Variants in GRID2 observed in about 807,000 individuals in gnomAD.
GRID2 encodes the protein glutamate ionotropic receptor delta type subunit 2, also known as glutamate receptor ionotropic, delta-2.
Under a neutral mutation model 114.8 loss-of-function variants are expected in GRID2, and 33 were observed. That is an observed-to-expected ratio of 0.29 (90% CI 0.22 to 0.38). The LOEUF is 0.38. Ranked by LOEUF, GRID2 falls within the 10% of genes least tolerant of loss-of-function variation. The pLI is 1.00. For missense variants in GRID2, 1,184 were observed against 1,257.7 expected (o/e 0.94, Z 0.89); for synonymous variants, 505 against 449.9 (o/e 1.12, Z -1.55).
At chr4:92,834,231 C>T (rs1375588177) in intron 2 of GRID2, among the ~76,000 whole-genome samples, 1 of 152,088 alleles carries the variant, frequency 6.6e-6, no homozygotes, top group Non-Finnish European at 1.5e-5. Context: ...TTTCCTTCAA[C>T]AATATGGGAG....
At chr4:92,693,764 A>C (rs1304906284) in intron 2 of GRID2, among the ~76,000 whole-genome samples, 1 of 152,256 alleles carries the variant, frequency 6.6e-6, no homozygotes, top group Non-Finnish European at 1.5e-5. Flanking sequence ...AATCAATTTC[A>C]TGGAACTTAA....
intron 2 of GRID2, among the ~76,000 whole-genome samples, chr4:93,022,089 A>T (rs1033404818): frequency 6.6e-6 from 1 of 151,684 alleles, no homozygotes; most frequent in African/African-American, 2.4e-5. Flanking sequence ...TTATTCTTGA[A>T]TCTAAGATAT....
intron 2 of GRID2, among the ~76,000 whole-genome samples, chr4:93,002,552 T>G (rs565212802): frequency 6.6e-6 from 1 of 151,728 alleles, no homozygotes; most frequent in African/African-American, 2.4e-5. Flanking sequence ...ATTTATCCCA[T>G]CTGCAAAGAG....
chr4:93,454,835 C>G (rs960464133), intron 10 of GRID2, among the ~76,000 whole-genome samples: 1 of 152,070 alleles, frequency 6.6e-6, no homozygotes, highest in Non-Finnish European at 1.5e-5. Context: ...GCTTTAATCA[C>G]AGCTGAAGAT....
Position 93,471,919 on chromosome 4 carries a change from C to T in GRID2, c.1858+15945C>T, listed in dbSNP as rs1266182210. Among the ~76,000 whole-genome samples the T allele has an allele frequency of 1.3e-4, 19 of 147,486 alleles. 1 individual carries two copies. The highest frequency in any genetic ancestry group is 2.4e-4 in the Non-Finnish European group (16 of 66,890). ...TTCCCCATGTTGGTCAGGCTGGTCT[C>T]GAACTCCCGACCTCAGGTGGTCCGC... On this transcript the variant is annotated intron_variant, in intron 11 of 15. Coordinates refer to ENST00000282020, the MANE Select transcript of GRID2 (RefSeq NM_001510.4).
intron 2 of GRID2, among the ~76,000 whole-genome samples, chr4:92,615,736 G>A (rs1173029995): frequency 1.3e-5 from 2 of 151,416 alleles, no homozygotes; most frequent in Non-Finnish European, 3.0e-5. Context: ...AAATTGAAAT[G>A]TGTCATTTTA....
intron 2 of GRID2, among the ~76,000 whole-genome samples, chr4:92,969,929 T>G (rs1481779542): frequency 6.6e-6 from 1 of 151,928 alleles, no homozygotes; most frequent in Admixed American, 6.6e-5. Context: ...TAAAATAGTT[T>G]TAAAAATTTC....
chr4:92,985,723 C>G (rs1259092954), intron 2 of GRID2, among the ~76,000 whole-genome samples: 3 of 152,078 alleles, frequency 2.0e-5, no homozygotes, highest in Non-Finnish European at 4.4e-5. Context: ...TTTCAATACC[C>G]AAAGGCGAAC....
At chr4:93,346,428 C>T (rs1273738384) in intron 8 of GRID2, among the ~76,000 whole-genome samples, 1 of 152,152 alleles carries the variant, frequency 6.6e-6, no homozygotes, top group Non-Finnish European at 1.5e-5. Context: ...GCATTTCCTC[C>T]TTTCTCTCTC....
intron 1 of GRID2, among the ~76,000 whole-genome samples, chr4:92,474,982 G>T (rs1163903772): frequency 1.6e-5 from 2 of 128,480 alleles, no homozygotes; most frequent in African/African-American, 5.7e-5. Context: ...GGGGGGTGGA[G>T]GGGGGAGGGA....
chr4:93,234,952 T>A (rs1268786962), intron 7 of GRID2, among the ~76,000 whole-genome samples: 1 of 152,162 alleles, frequency 6.6e-6, no homozygotes, highest in Non-Finnish European at 1.5e-5. Flanking sequence ...ATGTCCCACG[T>A]GATCCTCCAA....
intron 8 of GRID2, among the ~76,000 whole-genome samples, chr4:93,344,303 G>T (rs541579417): frequency 6.6e-6 from 1 of 151,982 alleles, no homozygotes. Flanking sequence ...TATGGAGGTA[G>T]ACATGACTGG....
At chr4:92,501,781 G>T (rs982126556) in intron 1 of GRID2, among the ~76,000 whole-genome samples, 2 of 152,088 alleles carry the variant, frequency 1.3e-5, no homozygotes, top group Non-Finnish European at 2.9e-5. Flanking sequence ...AGTGTTTAAA[G>T]TTTCTTCTTC....
At chr4:93,262,960 T>C (rs933283048) in intron 8 of GRID2, among the ~76,000 whole-genome samples, 2 of 152,032 alleles carry the variant, frequency 1.3e-5, no homozygotes, top group African/African-American at 4.8e-5. Flanking sequence ...TTTACAAAAA[T>C]GTAACTCCTT....
chr4:93,363,400 A>T (rs920500553), intron 8 of GRID2, among the ~76,000 whole-genome samples: 3 of 152,044 alleles, frequency 2.0e-5, no homozygotes, highest in Non-Finnish European at 2.9e-5. Flanking sequence ...AGGAGTGATG[A>T]TTTTGTCCAT....
intron 14 of GRID2, among the ~76,000 whole-genome samples, chr4:93,723,408 G>T (rs1729564223): frequency 1.3e-5 from 2 of 152,180 alleles, no homozygotes; most frequent in Non-Finnish European, 2.9e-5. Context: ...AGGCAAATCA[G>T]AATGAAAGCA....
At chr4:93,631,522 A>C (rs546750966) in intron 14 of GRID2, among the ~76,000 whole-genome samples, 2 of 152,196 alleles carry the variant, frequency 1.3e-5, no homozygotes, top group Non-Finnish European at 2.9e-5. Flanking sequence ...ACCTTCATCT[A>C]TGTCCCTACA....
rs866193530 is a variant in GRID2 at position 92,724,660 on chromosome 4, G to T, written c.244+134374G>T. Among the ~76,000 whole-genome samples the T allele has an allele frequency of 3.3e-5, 5 of 152,064 alleles. No homozygotes were observed. In the South Asian group the frequency reaches 8.3e-4, roughly 25 times the overall value. ...GTGTCTACTTCTACCACTATTAACTGTAACACCTTGAACAAGTTACTTAAC... is the reference window on the plus strand; with the variant it reads ...GTGTCTACTTCTACCACTATTAACTTTAACACCTTGAACAAGTTACTTAAC... On this transcript the variant is annotated intron_variant, in intron 2 of 15. Transcript: ENST00000282020.
chr4:93,404,162 T>C (rs909478000), intron 9 of GRID2, among the ~76,000 whole-genome samples: 1 of 152,104 alleles, frequency 6.6e-6, no homozygotes, highest in Non-Finnish European at 1.5e-5. Flanking sequence ...TGTGAAATGT[T>C]CAGAATAGAC....
Sources: gnomAD v4.1 joint callset for allele counts (sites outside exome capture counted in the v4.1 genomes callset) on GRCh38, gnomAD v4.1.1 for gene constraint, MANE v1.5 for transcripts, NCBI Gene and HGNC (gene_info 2026-07-23, HGNC 2026-07-21) for gene names.